The following PCNX1 variants were observed in gnomAD, a reference collection of about 807,000 sequenced individuals.
PCNX1 encodes the protein pecanex-like protein 1.
Under a neutral mutation model 242.2 loss-of-function variants are expected in PCNX1, and 78 were observed. The observed-to-expected ratio is 0.32, with a 90% confidence interval of 0.27 to 0.39. The LOEUF is 0.39. PCNX1 is among the 10% of genes least tolerant of loss of function. The pLI, the probability that PCNX1 is intolerant of heterozygous loss-of-function variation, is 1.00. For synonymous variants in PCNX1, 1,024 were observed against 1,032.9 expected (o/e 0.99, Z 0.17); for missense variants, 2,581 against 2,856.5 (o/e 0.90, Z 2.20).
chr14:70,986,327 A>G (rs2059001314), intron 6 of PCNX1, among the ~76,000 whole-genome samples: 1 of 152,216 alleles, frequency 6.6e-6, no homozygotes, highest in Non-Finnish European at 1.5e-5. Context: ...CCACTTTAAC[A>G]TTGTTCACTG....
Position 70,907,560 on chromosome 14 carries a change from C to A in PCNX1, c.-291C>A. 5.9e-6 allele frequency: 1 copy of A among 168,494 alleles called. No individual in the cohort carries two copies. Among genetic ancestry groups the A allele is most frequent in the South Asian group, 1.8e-4 (1 of 5,550 alleles). The allele number at this position is 168,494 out of a possible 1,614,324, so 10.4% of individuals were successfully genotyped here. A position where few individuals can be genotyped will look rare whatever the true frequency, so the allele number is the denominator to read the frequency against. On this transcript the variant is annotated 5_prime_UTR_variant, in exon 1 of 36. Coordinates refer to ENST00000304743, the MANE Select transcript of PCNX1 (RefSeq NM_014982.3). ...GGTGGCGGGGGCCGGGCCGCGGCTC[C>A]GGGTGTTAGGAGACAAGATGGCGGC...
intron 8 of PCNX1, among the ~76,000 whole-genome samples, chr14:71,001,194 A>T (rs563314887): frequency 1.3e-5 from 2 of 152,140 alleles, no homozygotes; most frequent in Non-Finnish European, 2.9e-5. Context: ...CTGTTTCCTG[A>T]TATTTCCTAT....
chr14:70,989,418 T>C (rs186232894), intron 7 of PCNX1, among the ~76,000 whole-genome samples: 1 of 152,104 alleles, frequency 6.6e-6, no homozygotes, highest in African/African-American at 2.4e-5. Flanking sequence ...TTCCAGTAAC[T>C]ACTTTATTCT....
chr14:70,914,241 A>G (rs927082142), intron 1 of PCNX1, among the ~76,000 whole-genome samples: 2 of 152,140 alleles, frequency 1.3e-5, no homozygotes, highest in African/African-American at 4.8e-5. Context: ...TGTGTTCACT[A>G]CTTGGGTGAC....
intron 1 of PCNX1, among the ~76,000 whole-genome samples, chr14:70,925,028 G>A (rs1380737618): frequency 6.7e-6 from 1 of 149,440 alleles, no homozygotes; most frequent in Admixed American, 6.7e-5. Context: ...TCACTCTGTT[G>A]CCCAGACAGG....
chr14:70,924,289 C>T (rs1196323719), intron 1 of PCNX1, among the ~76,000 whole-genome samples: 1 of 150,248 alleles, frequency 6.7e-6, no homozygotes, highest in Non-Finnish European at 1.5e-5. Flanking sequence ...AAATTGCCCT[C>T]AAGATATTTT....
intron 1 of PCNX1, among the ~76,000 whole-genome samples, chr14:70,913,831 A>G (rs964392961): frequency 7.9e-5 from 12 of 152,214 alleles, no homozygotes; most frequent in African/African-American, 2.9e-4. Flanking sequence ...ACTGTGCTAT[A>G]AATTAGCAAT....
chr14:71,100,283 C>G (rs1276004702), intron 30 of PCNX1, among the ~76,000 whole-genome samples: 7 of 152,126 alleles, frequency 4.6e-5, no homozygotes, highest in Admixed American at 4.6e-4. Flanking sequence ...TCTTATAAGG[C>G]TGGTTAAGTG....
rs534311162 is a variant in PCNX1, at chr14:70,973,429, A to G, written c.605-3513A>G. 1.1e-4 allele frequency among the ~76,000 whole-genome samples: 16 copies of G among 152,192 alleles called. 1 individual carries two copies. In the South Asian group the frequency reaches 3.3e-3, roughly 32 times the overall value. The stretch of plus-strand genomic sequence containing the variant: ...TGACCAGCTTTGTCAAGTGCTGCCG[A>G]TAGGTCAGGTGACATGCAGACTGAG... On this transcript the variant is annotated intron_variant, in intron 5 of 35. Transcript: ENST00000304743.
chr14:70,944,140 A>T (rs1051969364), intron 1 of PCNX1, among the ~76,000 whole-genome samples: 1 of 152,170 alleles, frequency 6.6e-6, no homozygotes, highest in Non-Finnish European at 1.5e-5. Flanking sequence ...ACAGAGCTGT[A>T]AGAAGAGGGC....
intron 28 of PCNX1, among the ~76,000 whole-genome samples, chr14:71,077,538 A>T (rs551611792): frequency 6.6e-6 from 1 of 152,224 alleles, no homozygotes; most frequent in South Asian, 2.1e-4. Flanking sequence ...TACTCCATCA[A>T]TAAGAACAGG....
intron 7 of PCNX1, 46 bp from the exon 8 acceptor site, chr14:70,995,695 C>T (rs2059328002): frequency 1.3e-6 from 2 of 1,540,300 alleles, no homozygotes; most frequent in South Asian, 2.3e-5. Context: ...GTATTGTTTT[C>T]TCTTTTCTTC....
intron 2 of PCNX1, among the ~76,000 whole-genome samples, chr14:70,954,234 T>G (rs986570173): frequency 2.0e-5 from 3 of 152,168 alleles, no homozygotes; most frequent in Non-Finnish European, 4.4e-5. Flanking sequence ...GTGGCTTGTT[T>G]CTGGGCTCTC....
intron 6 of PCNX1, among the ~76,000 whole-genome samples, chr14:70,980,196 C>T (rs1280187973): frequency 1.3e-5 from 2 of 151,710 alleles, no homozygotes; most frequent in African/African-American, 2.4e-5. Context: ...GTAGTAAATT[C>T]ATGCGTTTAT....
chr14:71,068,973 G>A (rs1038446277), intron 26 of PCNX1, among the ~76,000 whole-genome samples: 2 of 152,114 alleles, frequency 1.3e-5, no homozygotes, highest in South Asian at 2.1e-4. Flanking sequence ...ACACGTACTC[G>A]AGACTAGGTA....
chr14:70,920,842 AG>A (rs1225481571), intron 1 of PCNX1, among the ~76,000 whole-genome samples: 2 of 152,208 alleles, frequency 1.3e-5, no homozygotes, highest in African/African-American at 4.8e-5. Flanking sequence ...CTTTATGCAG[AG>A]GATATTCATA....
chr14:71,016,041 A>T (rs57509106), intron 11 of PCNX1, among the ~76,000 whole-genome samples: 4,850 of 152,272 alleles, frequency 0.032, 228 homozygotes, highest in African/African-American at 0.11. Flanking sequence ...TAAAATAAAA[A>T]CAAATAGGTT....
intron 28 of PCNX1, among the ~76,000 whole-genome samples, chr14:71,079,005 C>G (rs925036144): frequency 3.9e-5 from 6 of 152,156 alleles, no homozygotes; most frequent in Non-Finnish European, 8.8e-5. Context: ...CCATAGCCCC[C>G]TACACCCCGA....
chr14:71,064,548 T>C (rs566189627), intron 26 of PCNX1, among the ~76,000 whole-genome samples: 182 of 152,290 alleles, frequency 1.2e-3, no homozygotes, highest in African/African-American at 4.2e-3. Context: ...AAATCTTTGA[T>C]AAACTTCCTG....
Sources: gnomAD v4.1 joint callset for allele counts (sites outside exome capture counted in the v4.1 genomes callset) on GRCh38, gnomAD v4.1.1 for gene constraint, MANE v1.5 for transcripts, NCBI Gene and HGNC (gene_info 2026-07-23, HGNC 2026-07-21) for gene names.